SRP54: variants seen among roughly 807,000 people sequenced by gnomAD.
SRP54 encodes signal recognition particle subunit SRP54.
SRP54 carries 10 observed loss-of-function variants against 64.8 expected under a neutral mutation model. That is an observed-to-expected ratio of 0.15 (90% CI 0.10 to 0.26). SRP54 has a LOEUF of 0.26. Ranked by LOEUF, SRP54 falls within the 10% of genes least tolerant of loss-of-function variation. The probability of loss-of-function intolerance (pLI) is 1.00; values close to 1 mark genes in which losing one functional copy is unlikely to be tolerated. For synonymous variants in SRP54, 193 were observed against 185.6 expected (o/e 1.04, Z -0.32); for missense variants, 325 against 613.7 (o/e 0.53, Z 4.97).
chr14:35,022,097 T>G (rs368230867), intron 13 of SRP54, among the ~76,000 whole-genome samples: 3 of 152,202 alleles, frequency 2.0e-5, no homozygotes, highest in South Asian at 2.1e-4. Context: ...TCTGCTTGCT[T>G]ATATAGTCTA....
intron 11 of SRP54, 150 bp downstream of exon 11, chr14:35,014,980 A>C: frequency 1.8e-6 from 1 of 555,560 alleles, no homozygotes; most frequent in Non-Finnish European, 3.1e-6. Context: ...CAAATCATTT[A>C]AAATCTCAGG....
At chr14:35,014,158 AT>A (rs1448276551) in intron 10 of SRP54, among the ~76,000 whole-genome samples, 2 of 151,988 alleles carry the variant, frequency 1.3e-5, no homozygotes, top group Non-Finnish European at 2.9e-5. Context: ...ATAATAGTGG[AT>A]GTAAGGGCAG....
rs184170542 is a variant in SRP54, at chr14:35,021,049, T to C, written c.1157-1861T>C. ...ATATAATATATATGTTTCATAAATC[T>C]TTTATAAGGAAGATGTGGCTTAAAA... On this transcript the variant is annotated intron_variant, in intron 13 of 15. Coordinates refer to ENST00000216774, the MANE Select transcript of SRP54 (RefSeq NM_003136.4). Among the ~76,000 whole-genome samples, 5 of 152,324 alleles carry C rather than the reference T, an allele frequency of 3.3e-5. No homozygotes were observed. The East Asian group carries it at 9.6e-4, about 29-fold the overall frequency.
chr14:34,994,015 A>G (rs1462083770), intron 1 of SRP54, among the ~76,000 whole-genome samples: 3 of 144,780 alleles, frequency 2.1e-5, no homozygotes, highest in South Asian at 2.2e-4. Flanking sequence ...TTTTTTTAAT[A>G]CGGACTTTCT....
intron 10 of SRP54, among the ~76,000 whole-genome samples, chr14:35,014,497 C>T (rs1877407948): frequency 6.6e-6 from 1 of 151,930 alleles, no homozygotes; most frequent in Non-Finnish European, 1.5e-5. Flanking sequence ...CCAGGCTAGT[C>T]TCAAACTCCT....
At chr14:35,025,160 GATTT>G in intron 14 of SRP54, among the ~76,000 whole-genome samples, 1 of 152,040 alleles carries the variant, frequency 6.6e-6, no homozygotes, top group East Asian at 1.9e-4. Context: ...TCCTCTTTTT[GATTT>G]TTTTCTATAA....
intron 10 of SRP54, 40 bp from the exon 11 acceptor site, chr14:35,014,704 A>G (rs1566653093): frequency 2.1e-6 from 3 of 1,407,504 alleles, no homozygotes; most frequent in Non-Finnish European, 3.0e-6. Flanking sequence ...GAAGCAGGGT[A>G]TAGTATTAGT....
rs2044685031 is a variant in SRP54 at position 35,029,236 on chromosome 14, G to A, written c.*84G>A. On this transcript the variant is annotated 3_prime_UTR_variant, in exon 16 of 16. Transcript: ENST00000216774. ...GTTTCCCTTCTTTTTGCGAATTGGGGGGAAAGTGTATTTTTCTTGCTTATC... is the reference window on the plus strand; with the variant it reads ...GTTTCCCTTCTTTTTGCGAATTGGGAGGAAAGTGTATTTTTCTTGCTTATC... 1.9e-6 allele frequency: 2 copies of A among 1,034,654 alleles called. No individual in the cohort carries two copies. Among genetic ancestry groups the A allele is most frequent in the African/African-American group, 3.3e-5 (2 of 60,758 alleles). 64.1% of individuals were successfully genotyped at this position (1,034,654 alleles called of 1,614,324 possible). A position where few individuals can be genotyped will look rare whatever the true frequency, so the allele number is the denominator to read the frequency against.
At chr14:35,027,945 T>C (rs1454330632) in intron 14 of SRP54, 143 bp from the exon 15 acceptor site, 28 of 437,010 alleles carry the variant, frequency 6.4e-5, no homozygotes, top group Non-Finnish European at 1.0e-4. Flanking sequence ...TATGTAGAAA[T>C]AGAAAGAATT....
At position 35,022,008 on chromosome 14, in the gene SRP54, GAATT is replaced by G. The variant is rs1191420651; in HGVS notation, c.1157-899_1157-896del. Among the ~76,000 whole-genome samples, 2 of 152,102 alleles carry G rather than the reference GAATT, an allele frequency of 1.3e-5. 1 individual carries two copies. Among genetic ancestry groups the G allele is most frequent in the South Asian group, 4.1e-4 (2 of 4,826 alleles). ...ATTAATTCACTATATGCTACTGAGA[GAATT>G]AAAATACTAGTAGTAGTAATTACTT... is the stretch of plus-strand genomic sequence containing the variant. On this transcript the variant is annotated intron_variant, in intron 13 of 15. Transcript: ENST00000216774.
intron 1 of SRP54, among the ~76,000 whole-genome samples, chr14:34,991,729 G>T (rs2043983022): frequency 6.6e-6 from 1 of 150,818 alleles, no homozygotes; most frequent in Admixed American, 6.6e-5. Flanking sequence ...GTGTGTGTTG[G>T]GGGTGGGGGG....
At chr14:34,999,004 T>TGG (rs1303501601) in intron 2 of SRP54, among the ~76,000 whole-genome samples, 9 of 81,724 alleles carry the variant, frequency 1.1e-4, no homozygotes, top group Non-Finnish European at 2.1e-4. Flanking sequence ...TGTGTGTGTG[T>TGG]GTGTGTGTGG....
intron 2 of SRP54, among the ~76,000 whole-genome samples, chr14:34,998,212 T>G (rs2044100471): frequency 6.6e-6 from 1 of 152,116 alleles, no homozygotes; most frequent in African/African-American, 2.4e-5. Flanking sequence ...TTGCAGACAT[T>G]TTTGCTGGCA....
intron 13 of SRP54, among the ~76,000 whole-genome samples, chr14:35,021,955 T>C (rs1345890082): frequency 6.6e-6 from 1 of 152,214 alleles, no homozygotes. Flanking sequence ...GCACCTGATA[T>C]TCTAAGAGTG....
intron 4 of SRP54, among the ~76,000 whole-genome samples, chr14:35,002,815 C>G (rs916860212): frequency 2.8e-5 from 4 of 143,932 alleles, no homozygotes; most frequent in African/African-American, 1.0e-4. Flanking sequence ...GCAATCATGG[C>G]TCACTGTAGC....
intron 4 of SRP54, among the ~76,000 whole-genome samples, chr14:35,006,109 G>T (rs939362373): frequency 6.6e-6 from 1 of 151,934 alleles, no homozygotes; most frequent in African/African-American, 2.4e-5. Flanking sequence ...AAAGTGCTGG[G>T]ATTACAGGCA....
intron 1 of SRP54, among the ~76,000 whole-genome samples, chr14:34,985,514 G>C (rs72680631): frequency 0.016 from 2,445 of 152,176 alleles, 38 homozygotes; most frequent in South Asian, 0.064. Flanking sequence ...TTTTTCTCTA[G>C]TTCAAGGCCA....
At chr14:34,998,578 G>A (rs2044106487) in intron 2 of SRP54, among the ~76,000 whole-genome samples, 1 of 152,096 alleles carries the variant, frequency 6.6e-6, no homozygotes, top group African/African-American at 2.4e-5. Flanking sequence ...CTGGGAGGCT[G>A]AGGCGGGCGG....
Position 34,999,571 on chromosome 14 carries a change from T to C in SRP54, c.92T>C (p.Met31Thr). 1 of 1,612,186 alleles carries C rather than the reference T, an allele frequency of 6.2e-7. No homozygotes were observed. Among genetic ancestry groups the C allele is most frequent in the Non-Finnish European group, 8.5e-7 (1 of 1,178,780 alleles). The change falls in exon 3 of 16, where the codon ATG becomes ACG. Residue 31 changes from methionine to threonine, a missense_variant. Physicochemically the swap from Met to Thr is moderately conservative, Grantham distance 81 (BLOSUM62 -1). Around this residue, in one of 3 missense-constraint regions of SRP54, gnomAD observed 156 missense variants for 254.6 expected, o/e 0.61. Transcript: ENST00000216774. ...TIINEEVLNA[M>T]LKEVCTALLE... Reference sequence around the variant, plus strand: ...CTTTATTTTCAGGTATTGAATGCTATGCTAAAAGAAGTCTGTACCGCTTTG... The same window carrying C: ...CTTTATTTTCAGGTATTGAATGCTACGCTAAAAGAAGTCTGTACCGCTTTG...
Sources: gnomAD v4.1 joint callset for allele counts (sites outside exome capture counted in the v4.1 genomes callset) on GRCh38, gnomAD v4.1.1 for gene constraint, gnomAD v4.1.1 regional missense constraint, MANE v1.5 for transcripts, NCBI Gene and HGNC (gene_info 2026-07-23, HGNC 2026-07-21) for gene names.